Variants in ARFGEF1 observed in about 807,000 individuals in gnomAD.
ARFGEF1 encodes ARF guanine nucleotide exchange factor 1, also known as brefeldin A-inhibited guanine nucleotide-exchange protein 1.
A neutral mutation model predicts 231.0 loss-of-function variants in ARFGEF1; 42 were observed. The ratio of observed to expected loss-of-function variants is 0.18; its 90% CI spans 0.14 to 0.24. ARFGEF1 has a LOEUF of 0.24. Ranked by LOEUF, ARFGEF1 falls within the 10% of genes least tolerant of loss-of-function variation. The pLI is 1.00. For missense variants in ARFGEF1, 1,345 were observed against 2,192.0 expected, an observed-to-expected ratio of 0.61 and a Z score of 7.72; for synonymous variants, 710 against 732.3, an observed-to-expected ratio of 0.97 and a Z score of 0.49.
chr8:67,176,275 C>T (rs992043993), intron 5 of ARFGEF1, among the ~76,000 whole-genome samples: 6 of 152,124 alleles, frequency 3.9e-5, no homozygotes, highest in Admixed American at 6.5e-5. Context: ...GGAAGGGATG[C>T]TCCTGCTAGT....
At chr8:67,195,387 G>C, downstream of ARFGEF1, 1 of 1,613,270 alleles carries the variant, frequency 6.2e-7, no homozygotes, top group Non-Finnish European at 8.5e-7. Flanking sequence ...TGTAGATGAT[G>C]AGAGTTCACT....
intron 1 of ARFGEF1, among the ~76,000 whole-genome samples, chr8:67,303,818 T>C (rs1806613073): frequency 6.6e-6 from 1 of 152,212 alleles, no homozygotes; most frequent in Non-Finnish European, 1.5e-5. Context: ...GTGTGCCAAG[T>C]ACTACTACAC....
intron 1 of ARFGEF1, among the ~76,000 whole-genome samples, chr8:67,306,426 A>C (rs1291045240): frequency 6.6e-6 from 1 of 152,256 alleles, no homozygotes; most frequent in Non-Finnish European, 1.5e-5. Context: ...TTTATAAGGC[A>C]CAGGACACAT....
chr8:67,314,992 C>G (rs1444127544), intron 1 of ARFGEF1, among the ~76,000 whole-genome samples: 1 of 152,118 alleles, frequency 6.6e-6, no homozygotes, highest in Non-Finnish European at 1.5e-5. Flanking sequence ...GCACTCCAAC[C>G]TAGGTGACAG....
intron 7 of ARFGEF1, among the ~76,000 whole-genome samples, chr8:67,283,636 G>A (rs1223407868): frequency 1.3e-5 from 2 of 152,080 alleles, no homozygotes; most frequent in East Asian, 3.9e-4. Context: ...AATACATAAA[G>A]GATTCTTAAG....
intron 17 of ARFGEF1, among the ~76,000 whole-genome samples, chr8:67,255,719 C>T (rs547293116): frequency 1.5e-3 from 221 of 152,350 alleles, no homozygotes; most frequent in African/African-American, 5.1e-3. Context: ...CTGCAGGCTG[C>T]ATAGCAGCAC....
rs1839832453 is a variant in ARFGEF1 at position 67,238,365 on chromosome 8, A to G, written c.3267T>C (p.Asp1089=). Residue 1089 remains aspartate (D), a synonymous_variant, in exon 22 of 39, where the codon GAT becomes GAC. Coordinates refer to ENST00000262215, the MANE Select transcript of ARFGEF1 (RefSeq NM_006421.5). ...CACCTAGCCCTAAACCCACAAATTC[A>G]TCAGGAGCCTGATCTTTTGTTCCAG... is the stretch of plus-strand genomic sequence containing the variant. The part of the protein sequence containing the change: ...SLTGTKDQAP[D]EFVGLGLVGG... The G allele has an allele frequency of 1.2e-6, 2 of 1,608,674 alleles. No individual in the cohort carries two copies. The highest frequency in any genetic ancestry group is 1.7e-6 in the Non-Finnish European group (2 of 1,178,616).
chr8:67,284,759 G>A (rs1805681431), intron 7 of ARFGEF1, among the ~76,000 whole-genome samples: 2 of 152,168 alleles, frequency 1.3e-5, no homozygotes, highest in Admixed American at 1.3e-4. Context: ...CACTGGAAGG[G>A]CCTGCAAGTA....
chr8:67,249,504 G>C (rs1840208945), intron 19 of ARFGEF1, among the ~76,000 whole-genome samples: 1 of 150,678 alleles, frequency 6.6e-6, no homozygotes, highest in Admixed American at 6.6e-5. Flanking sequence ...CAGATAGACA[G>C]ACGGATAGAT....
intron 33 of ARFGEF1, among the ~76,000 whole-genome samples, chr8:67,216,355 G>A (rs927664405): frequency 1.3e-5 from 2 of 152,092 alleles, no homozygotes; most frequent in African/African-American, 4.8e-5. Flanking sequence ...ACGTGAGAAT[G>A]CAGCAACGTG....
chr8:67,286,203 A>G (rs1270565047), intron 7 of ARFGEF1, among the ~76,000 whole-genome samples: 1 of 152,218 alleles, frequency 6.6e-6, no homozygotes, highest in Non-Finnish European at 1.5e-5. Context: ...TGGTTCAGCA[A>G]AGACACATAC....
chr8:67,296,302 AAGTGGAAATGTAAATAAAAGAC>A, intron 5 of ARFGEF1, 107 bp downstream of exon 5: 1 of 859,302 alleles, frequency 1.2e-6, no homozygotes, highest in Non-Finnish European at 1.7e-6. Context: ...AATCTCCAGT[AAGTGGAAATGTAAATAAAAGAC>A]ATTCTTTTCT....
At chr8:67,271,608 C>A in intron 10 of ARFGEF1, 94 bp downstream of exon 10, 1 of 902,776 alleles carries the variant, frequency 1.1e-6, no homozygotes. Context: ...AATATTATTT[C>A]ATTCTGGAGA....
rs192712299 is a variant in ARFGEF1, at chr8:67,223,993, G to A, written c.4208+910C>T. 2.7e-3 allele frequency among the ~76,000 whole-genome samples: 407 copies of A among 152,224 alleles called. 2 individuals carry two copies. The highest frequency in any genetic ancestry group is 9.6e-3 in the African/African-American group (397 of 41,532). ...GATTATCTATTTCATACGAATTTCT[G>A]TTGTAACAAATAATACTATAAAAAT... On this transcript the variant is annotated intron_variant, in intron 29 of 38. Transcript: ENST00000262215.
chr8:67,343,102 CAGGCG>C, intron 1 of ARFGEF1, 57 bp downstream of exon 1: 2 of 560,606 alleles, frequency 3.6e-6, no homozygotes, highest in Non-Finnish European at 2.7e-6. Context: ...CACCCCCCCA[CAGGCG>C]CCCCCCTCCC....
chr8:67,326,753 TTAAC>T (rs1287678950), intron 1 of ARFGEF1, among the ~76,000 whole-genome samples: 1 of 152,210 alleles, frequency 6.6e-6, no homozygotes, highest in African/African-American at 2.4e-5. Context: ...GACATGATGT[TTAAC>T]TAACCAATGT....
chr8:67,251,913 A>T (rs1322586505), intron 18 of ARFGEF1, among the ~76,000 whole-genome samples: 1 of 152,202 alleles, frequency 6.6e-6, no homozygotes, highest in Non-Finnish European at 1.5e-5. Flanking sequence ...CCACTTTCAG[A>T]ATACAATTAT....
At chr8:67,193,581 C>T, downstream of ARFGEF1, 2 of 1,613,538 alleles carry the variant, frequency 1.2e-6, no homozygotes. Context: ...GAATGAATTT[C>T]ACAATAAACC....
intron 35 of ARFGEF1, 52 bp from the exon 36 acceptor site, chr8:67,203,303 T>G (rs531390548): frequency 1.3e-6 from 2 of 1,583,510 alleles, no homozygotes; most frequent in East Asian, 2.2e-5. Flanking sequence ...ATAATTTTAC[T>G]TGATTTACAA....
Sources: allele counts gnomAD v4.1 joint callset (sites outside exome capture counted in the v4.1 genomes callset), GRCh38; gene constraint gnomAD v4.1.1; transcripts MANE v1.5; gene names NCBI Gene and HGNC (gene_info 2026-07-23, HGNC 2026-07-21).